Variants in RIMS1 observed in about 807,000 individuals in gnomAD.
RIMS1 encodes regulating synaptic membrane exocytosis protein 1.
Under a neutral mutation model 214.1 loss-of-function variants are expected in RIMS1, and 83 were observed. The observed-to-expected ratio is 0.39, with a 90% CI of 0.32 to 0.47. The LOEUF is 0.47. Among genes scored for constraint, RIMS1 ranks in the 20% least tolerant of loss-of-function variants. The pLI, the probability that RIMS1 is intolerant of heterozygous loss-of-function variation, is 0.99. For missense variants in RIMS1, 2,050 were observed against 2,161.8 expected (o/e 0.95, Z 1.03); for synonymous variants, 793 against 786.8 (o/e 1.01, Z -0.13).
chr6:71,992,867 C>A (rs1802307361), intron 2 of RIMS1, among the ~76,000 whole-genome samples: 1 of 152,038 alleles, frequency 6.6e-6, no homozygotes, highest in African/African-American at 2.4e-5. Context: ...CACCATGTTT[C>A]CTAGATTTAT....
At chr6:72,190,463 C>CA (rs59655989) in intron 6 of RIMS1, among the ~76,000 whole-genome samples, 10 of 128,470 alleles carry the variant, frequency 7.8e-5, no homozygotes, top group African/African-American at 2.7e-4. Flanking sequence ...AACTCTGTCT[C>CA]AAAAAAAAAA....
At chr6:72,355,538 C>G (rs1306840184) in intron 29 of RIMS1, among the ~76,000 whole-genome samples, 3 of 151,898 alleles carry the variant, frequency 2.0e-5, no homozygotes, top group African/African-American at 7.3e-5. Context: ...GTTATTATTC[C>G]TCTTTTGTAT....
intron 2 of RIMS1, among the ~76,000 whole-genome samples, chr6:72,088,136 T>C (rs1389199846): frequency 6.6e-6 from 1 of 152,156 alleles, no homozygotes; most frequent in Non-Finnish European, 1.5e-5. Flanking sequence ...TATTGTTCCA[T>C]AAATTTTTCA....
intron 6 of RIMS1, among the ~76,000 whole-genome samples, chr6:72,191,793 G>A (rs1430279693): frequency 6.6e-6 from 1 of 152,194 alleles, no homozygotes; most frequent in African/African-American, 2.4e-5. Flanking sequence ...ACTTGGTTAA[G>A]CTTATGATAA....
chr6:72,205,285 C>T (rs1402232161), intron 6 of RIMS1, among the ~76,000 whole-genome samples: 1 of 152,024 alleles, frequency 6.6e-6, no homozygotes, highest in Admixed American at 6.6e-5. Flanking sequence ...AATAAAGCAA[C>T]ATCAATAACA....
At chr6:72,137,391 T>A (rs554336911) in intron 4 of RIMS1, among the ~76,000 whole-genome samples, 1 of 152,096 alleles carries the variant, frequency 6.6e-6, no homozygotes, top group South Asian at 2.1e-4. Context: ...GTGAACATGA[T>A]ACATATAAAT....
chr6:71,945,219 G>C (rs140768633), intron 1 of RIMS1, among the ~76,000 whole-genome samples: 49 of 152,238 alleles, frequency 3.2e-4, no homozygotes, highest in African/African-American at 1.1e-3. Flanking sequence ...TGCCTCCCCA[G>C]TCCTGAAAGA....
At chr6:72,328,617 G>A (rs920517442) in intron 28 of RIMS1, among the ~76,000 whole-genome samples, 3 of 151,614 alleles carry the variant, frequency 2.0e-5, no homozygotes, top group Non-Finnish European at 4.4e-5. Flanking sequence ...TATACACAAA[G>A]TAAGAATGTT....
intron 19 of RIMS1, chr6:72,262,099 A>G (rs955939254): frequency 1.0e-6 from 1 of 984,780 alleles, no homozygotes; most frequent in African/African-American, 1.7e-5. Flanking sequence ...ATTTTAAGCT[A>G]CTTAGTGTGT....
intron 4 of RIMS1, among the ~76,000 whole-genome samples, chr6:72,129,641 G>A (rs764347286): frequency 2.0e-5 from 3 of 152,144 alleles, no homozygotes; most frequent in Admixed American, 6.6e-5. Context: ...GAAAGATCTA[G>A]ATAAGCCTTA....
At chr6:72,274,312 G>A (rs2084987549) in intron 22 of RIMS1, 37 bp from the exon 23 acceptor site, 3 of 1,434,492 alleles carry the variant, frequency 2.1e-6, no homozygotes, top group Non-Finnish European at 2.0e-6. Context: ...GTTACTAAAT[G>A]TCCTGTTTTT....
intron 27 of RIMS1, among the ~76,000 whole-genome samples, chr6:72,309,491 A>G (rs1343217239): frequency 2.0e-5 from 3 of 152,096 alleles, no homozygotes; most frequent in African/African-American, 7.2e-5. Context: ...ACTTTGTTCT[A>G]CTTACATCAT....
chr6:72,208,159 G>A (rs879488823), intron 6 of RIMS1, among the ~76,000 whole-genome samples: 9 of 152,138 alleles, frequency 5.9e-5, no homozygotes, highest in Non-Finnish European at 1.0e-4. Flanking sequence ...CACAGCTTAG[G>A]TAAATGAGTA....
chr6:72,329,461 A>G (rs1034276735), intron 28 of RIMS1, among the ~76,000 whole-genome samples: 7 of 151,816 alleles, frequency 4.6e-5, no homozygotes, highest in Admixed American at 4.0e-4. Flanking sequence ...TGGATAATGT[A>G]TTCTAAGTCA....
chr6:72,003,386 A>G (rs1437654548), intron 2 of RIMS1, among the ~76,000 whole-genome samples: 1 of 152,050 alleles, frequency 6.6e-6, no homozygotes, highest in Non-Finnish European at 1.5e-5. Flanking sequence ...TACTCACCAC[A>G]GTACTTCACA....
At chr6:72,262,268 T>G (rs2078383720) in intron 19 of RIMS1, 1 of 810,768 alleles carries the variant, frequency 1.2e-6, no homozygotes, top group Non-Finnish European at 1.5e-6. Context: ...AATCTTATAC[T>G]TAAGATTGGT....
chr6:72,246,803 G>A (rs2070040506), intron 11 of RIMS1, among the ~76,000 whole-genome samples: 1 of 152,062 alleles, frequency 6.6e-6, no homozygotes, highest in Non-Finnish European at 1.5e-5. Flanking sequence ...TACACTGATT[G>A]CCATAATATT....
At chr6:71,965,882 A>G (rs1794311670) in intron 1 of RIMS1, among the ~76,000 whole-genome samples, 1 of 152,188 alleles carries the variant, frequency 6.6e-6, no homozygotes, top group Admixed American at 6.5e-5. Context: ...GAAGGAGTGA[A>G]TTACAGAGAC....
chr6:71,900,093 G>C (rs1773132966), intron 1 of RIMS1, among the ~76,000 whole-genome samples: 1 of 152,096 alleles, frequency 6.6e-6, no homozygotes, highest in Admixed American at 6.6e-5. Flanking sequence ...TTTTGACTAA[G>C]ATCAGGTTAT....
Sources: allele counts gnomAD v4.1 joint callset (sites outside exome capture counted in the v4.1 genomes callset), GRCh38; gene constraint gnomAD v4.1.1; transcripts MANE v1.5; gene names NCBI Gene and HGNC (gene_info 2026-07-23, HGNC 2026-07-21).